Variants in NAA11 observed in about 807,000 individuals in gnomAD.
NAA11 encodes N-alpha-acetyltransferase 11.
Under a neutral mutation model 16.1 loss-of-function variants are expected in NAA11, and 15 were observed. The ratio of observed to expected loss-of-function variants is 0.93; its 90% CI spans 0.62 to 1.44. The LOEUF (loss-of-function observed/expected upper bound fraction) is 1.44, where lower values mean the gene tolerates loss of function less well. NAA11 is among the 40% of genes most tolerant of loss of function. NAA11 has a pLI of 0.00. For missense variants in NAA11, 298 were observed against 291.3 expected, an observed-to-expected ratio of 1.02 and a Z score of -0.17; for synonymous variants, 122 against 112.4, an observed-to-expected ratio of 1.09 and a Z score of -0.54.
chr4:79,157,606 C>CAT, the NAA11 span, among the ~76,000 whole-genome samples: 58 of 151,272 alleles, frequency 3.8e-4, 1 homozygote, highest in Admixed American at 1.3e-3. Flanking sequence ...TATATACACA[C>CAT]ATATATATAC....
intron 1 of NAA11, among the ~76,000 whole-genome samples, chr4:79,321,970 T>C (rs1344606319): frequency 3.9e-5 from 6 of 152,218 alleles, no homozygotes; most frequent in Non-Finnish European, 7.4e-5. Flanking sequence ...AAATGATCCC[T>C]GAATGATACC....
chr4:79,265,028 A>T (rs891993488), intron 2 of NAA11, among the ~76,000 whole-genome samples: 1 of 152,148 alleles, frequency 6.6e-6, no homozygotes, highest in African/African-American at 2.4e-5. Flanking sequence ...TATGCTTCTT[A>T]ATTGTCTCCT....
chr4:79,205,417 A>G, the NAA11 span, among the ~76,000 whole-genome samples: 1 of 151,946 alleles, frequency 6.6e-6, no homozygotes, highest in Non-Finnish European at 1.5e-5. Context: ...TCTTTTGAGA[A>G]ATGTCTGTTG....
chr4:79,212,823 G>C, the NAA11 span, among the ~76,000 whole-genome samples: 1 of 151,392 alleles, frequency 6.6e-6, no homozygotes, highest in Admixed American at 6.6e-5. Flanking sequence ...GTATATAAAG[G>C]GTTCAGTACT....
chr4:79,323,492 C>A (rs1443862607), intron 1 of NAA11, among the ~76,000 whole-genome samples: 1 of 152,074 alleles, frequency 6.6e-6, no homozygotes, highest in Non-Finnish European at 1.5e-5. Context: ...CGAGACCAGC[C>A]TGGCCAATAT....
chr4:79,167,154 ATG>A, the NAA11 span, among the ~76,000 whole-genome samples: 558 of 72,670 alleles, frequency 7.7e-3, 123 homozygotes, highest in South Asian at 0.034. Context: ...ATATATATAT[ATG>A]TATATGGAGA....
the NAA11 span, among the ~76,000 whole-genome samples, chr4:79,176,524 C>T: frequency 2.3e-4 from 35 of 152,012 alleles, 1 homozygote; most frequent in Admixed American, 1.1e-3. Context: ...AGGGGGAAAT[C>T]GTCTTTGTTC....
intron 2 of NAA11, among the ~76,000 whole-genome samples, chr4:79,232,070 A>G (rs965596691): frequency 6.6e-6 from 1 of 151,744 alleles, no homozygotes; most frequent in South Asian, 2.1e-4. Flanking sequence ...CTTTTGGATA[A>G]ATGTTTTTGA....
At chr4:79,231,425 T>C (rs1264100226) in intron 2 of NAA11, among the ~76,000 whole-genome samples, 6 of 151,926 alleles carry the variant, frequency 3.9e-5, no homozygotes, top group Admixed American at 1.3e-4. Context: ...TCAGAATTTT[T>C]TATCCTCTCA....
At chr4:79,185,434 G>C in the NAA11 span, among the ~76,000 whole-genome samples, 6 of 152,170 alleles carry the variant, frequency 3.9e-5, no homozygotes, top group African/African-American at 4.8e-5. Flanking sequence ...TTTATCTTTA[G>C]AAGGCAGCCA....
At chr4:79,261,880 TG>T (rs1722249834) in intron 2 of NAA11, among the ~76,000 whole-genome samples, 1 of 152,200 alleles carries the variant, frequency 6.6e-6, no homozygotes, top group Non-Finnish European at 1.5e-5. Context: ...GTTGACTAAA[TG>T]TTAGCACATA....
the NAA11 span, among the ~76,000 whole-genome samples, chr4:79,162,517 T>G: frequency 6.6e-6 from 1 of 152,188 alleles, no homozygotes; most frequent in African/African-American, 2.4e-5. Context: ...GAGAAATTTT[T>G]GTGGTGAGAA....
At chr4:79,291,233 C>G (rs1308704469) in intron 2 of NAA11, among the ~76,000 whole-genome samples, 1 of 151,950 alleles carries the variant, frequency 6.6e-6, no homozygotes, top group Non-Finnish European at 1.5e-5. Context: ...AGGCTGAGAC[C>G]AGAGGATTGC....
chr4:79,227,254 C>T (rs1721338128), intron 2 of NAA11: 4 of 151,974 alleles, frequency 2.6e-5, no homozygotes, highest in Admixed American at 2.6e-4. Context: ...TTTTTGCAAT[C>T]TACTCATCTG....
chr4:79,189,261 TGCAGGATGTA>T, the NAA11 span, among the ~76,000 whole-genome samples: 6 of 150,208 alleles, frequency 4.0e-5, no homozygotes, highest in African/African-American at 1.2e-4. Flanking sequence ...GAAGAAAGGA[TGCAGGATGTA>T]GCAGAAATCA....
At chr4:79,303,994 T>C (rs765659691) in intron 1 of NAA11, among the ~76,000 whole-genome samples, 55 of 152,300 alleles carry the variant, frequency 3.6e-4, no homozygotes, top group Non-Finnish European at 6.8e-4. Context: ...TTTGTTATTT[T>C]TCCTCTGCTC....
At chr4:79,176,682 C>G in the NAA11 span, among the ~76,000 whole-genome samples, 1 of 152,134 alleles carries the variant, frequency 6.6e-6, no homozygotes, top group Non-Finnish European at 1.5e-5. Context: ...TACCTGGGTA[C>G]TTCGACCTAT....
intron 1 of NAA11, among the ~76,000 whole-genome samples, chr4:79,295,903 C>A (rs1417135967): frequency 6.6e-6 from 1 of 152,076 alleles, no homozygotes; most frequent in Non-Finnish European, 1.5e-5. Context: ...TCTGAGAGTT[C>A]TATTCCTCTG....
At chr4:79,236,898 C>T (rs960138450) in intron 2 of NAA11, among the ~76,000 whole-genome samples, 6 of 152,110 alleles carry the variant, frequency 3.9e-5, no homozygotes, top group Non-Finnish European at 7.4e-5. Context: ...AAAACAACTC[C>T]GCATGCTAAG....
Sources: allele counts gnomAD v4.1 joint callset (sites outside exome capture counted in the v4.1 genomes callset), GRCh38; gene constraint gnomAD v4.1.1; transcripts MANE v1.5; gene names NCBI Gene and HGNC (gene_info 2026-07-23, HGNC 2026-07-21).